The following CNTLN variants were observed in gnomAD, a reference collection of about 807,000 sequenced individuals.
CNTLN encodes the protein centlein, also known as centlein, centrosomal protein.
In CNTLN, 212 loss-of-function variants were observed where a neutral mutation model predicts 180.0. The ratio of observed to expected loss-of-function variants is 1.18; its 90% CI spans 1.05 to 1.32. CNTLN has a LOEUF of 1.32. Ranked by LOEUF, CNTLN falls within the 40% of genes most tolerant of loss-of-function variation. The pLI is 0.00. For missense variants in CNTLN, 2,095 were observed against 1,610.9 expected (o/e 1.30, Z -5.14); for synonymous variants, 722 against 563.1 (o/e 1.28, Z -3.99).
chr9:17,366,839 A>G, intron 13 of CNTLN, 122 bp downstream of exon 13: 1 of 578,476 alleles, frequency 1.7e-6, no homozygotes. Context: ...CACTTTATTC[A>G]TTGATAACTC....
chr9:17,254,861 T>G (rs1826376569), intron 5 of CNTLN, among the ~76,000 whole-genome samples: 1 of 151,776 alleles, frequency 6.6e-6, no homozygotes, highest in Non-Finnish European at 1.5e-5. Context: ...GCATTAAATC[T>G]GTAGCTCACT....
At chr9:17,152,608 A>T (rs1450667906) in intron 2 of CNTLN, among the ~76,000 whole-genome samples, 1 of 152,118 alleles carries the variant, frequency 6.6e-6, no homozygotes, top group Non-Finnish European at 1.5e-5. Context: ...AATAAATGTG[A>T]TGTGGTGCTG....
intron 25 of CNTLN, among the ~76,000 whole-genome samples, chr9:17,494,146 C>G (rs891637878): frequency 7.9e-5 from 12 of 152,274 alleles, no homozygotes; most frequent in Non-Finnish European, 1.2e-4. Context: ...GAAAATAACT[C>G]AAACTTAGTA....
chr9:17,223,283 A>G (rs1824260867), intron 2 of CNTLN, among the ~76,000 whole-genome samples: 1 of 152,062 alleles, frequency 6.6e-6, no homozygotes, highest in Non-Finnish European at 1.5e-5. Flanking sequence ...GAAGCCATGG[A>G]AAGTGAAACT....
intron 5 of CNTLN, among the ~76,000 whole-genome samples, chr9:17,239,391 A>T (rs1825352186): frequency 6.6e-6 from 1 of 152,192 alleles, no homozygotes; most frequent in Admixed American, 6.5e-5. Flanking sequence ...CAAGATATAT[A>T]CATTGAAACT....
At chr9:17,487,146 T>A in intron 25 of CNTLN, 80 bp downstream of exon 25, 1 of 912,866 alleles carries the variant, frequency 1.1e-6, no homozygotes, top group Admixed American at 2.0e-5. Context: ...TGTCTAACTT[T>A]TTGTAAACAC....
At chr9:17,324,303 A>G (rs915446790) in intron 8 of CNTLN, among the ~76,000 whole-genome samples, 1 of 152,222 alleles carries the variant, frequency 6.6e-6, no homozygotes, top group Non-Finnish European at 1.5e-5. Context: ...AACATTTTAA[A>G]TAACCAGATT....
In CNTLN at chr9:17,330,636, C is replaced by T; in HGVS notation, c.1346C>T (p.Pro449Leu). 1 of 1,568,282 alleles carries T rather than the reference C, an allele frequency of 6.4e-7. No individual in the cohort carries two copies. Among genetic ancestry groups the T allele is most frequent in the Non-Finnish European group, 8.7e-7 (1 of 1,156,024 alleles). Residue 449 changes from proline to leucine, a missense_variant, in exon 9 of 26, where the codon CCT (proline) becomes CTT (leucine). By Grantham distance (98) the Pro-to-Leu change is moderately conservative. Transcript: ENST00000380647. The stretch of plus-strand genomic sequence containing the variant: ...CAATTATACTTTTTAAAATAGGTAC[C>T]TCATCGCCCATCCTTATCAAGCTTA... ...ESDPDYSAQV[P>L]HRPSLSSLET...
rs539294026 is a variant in CNTLN at position 17,332,723 on chromosome 9, A to G, written c.1637A>G (p.Gln546Arg). The change falls in exon 10 of 26, where the codon CAA becomes CGA. Residue 546 changes from glutamine to arginine, a missense_variant. Transcript: ENST00000380647. ...ATTGAAAACTTAGAGAAGGCACTAC[A>G]ACTAAAGGTGAACATTAAATCATTT... ...RKIENLEKAL[Q>R]LKSQENDELR... The G allele has an allele frequency of 4.6e-5, 73 of 1,588,286 alleles. No individual in the cohort carries two copies. In the South Asian group the frequency reaches 7.9e-4, roughly 17 times the overall value.
At chr9:17,334,420 TACACAC>T (rs56376464) in intron 10 of CNTLN, among the ~76,000 whole-genome samples, 81,441 of 149,700 alleles carry the variant, frequency 0.54, 22,721 homozygotes, top group East Asian at 0.72. Context: ...GCCAATAGAA[TACACAC>T]ACACACACAC....
intron 12 of CNTLN, among the ~76,000 whole-genome samples, chr9:17,350,823 A>G (rs1822301260): frequency 6.6e-6 from 1 of 152,144 alleles, no homozygotes; most frequent in Non-Finnish European, 1.5e-5. Flanking sequence ...TCCGACTATC[A>G]TCACATTAGG....
rs956847856 is a variant in CNTLN, at chr9:17,394,596, G to T, written c.2142G>T (p.Gly714=). The change falls in exon 15 of 26, where the codon GGG becomes GGT. Residue 714 remains glycine (G), a synonymous_variant. Transcript: ENST00000380647. ...FEKRSRKLKE[G]NKKLMKENDF... ...AAAGGTCGAGAAAATTAAAAGAAGG[G>T]AATAAAAAATTAATGAAAGAAAATG... The T allele has an allele frequency of 2.6e-5, 41 of 1,596,444 alleles. No individual in the cohort carries two copies. The highest frequency in any genetic ancestry group is 2.2e-5 in the Non-Finnish European group (26 of 1,175,502).
intron 12 of CNTLN, among the ~76,000 whole-genome samples, chr9:17,366,284 A>T (rs1489945007): frequency 7.1e-6 from 1 of 140,536 alleles, no homozygotes; most frequent in Non-Finnish European, 1.5e-5. Context: ...CGTAACCATG[A>T]TGGGCTAGTT....
intron 18 of CNTLN, among the ~76,000 whole-genome samples, chr9:17,443,696 A>G (rs949829142): frequency 6.7e-6 from 1 of 149,084 alleles, no homozygotes; most frequent in African/African-American, 2.6e-5. Context: ...CCTATGGTAT[A>G]TTGAAATATT....
chr9:17,320,028 A>G (rs566634097), intron 8 of CNTLN, among the ~76,000 whole-genome samples: 4 of 152,318 alleles, frequency 2.6e-5, no homozygotes, highest in South Asian at 2.1e-4. Context: ...ATGCAGAAAT[A>G]ATGTTTTTTG....
At chr9:17,328,494 T>A (rs374398842) in intron 8 of CNTLN, among the ~76,000 whole-genome samples, 11 of 152,266 alleles carry the variant, frequency 7.2e-5, no homozygotes, top group African/African-American at 1.7e-4. Context: ...CACTCAGCAG[T>A]GGGGCTGAGT....
chr9:17,174,995 A>G (rs1452538477), intron 2 of CNTLN, among the ~76,000 whole-genome samples: 1 of 152,188 alleles, frequency 6.6e-6, no homozygotes, highest in Non-Finnish European at 1.5e-5. Context: ...TGGATTTCAA[A>G]AAATTACTGT....
intron 13 of CNTLN, among the ~76,000 whole-genome samples, chr9:17,373,268 A>G (rs1038470511): frequency 5.9e-5 from 9 of 152,182 alleles, no homozygotes; most frequent in African/African-American, 1.9e-4. Context: ...GGATAAACAA[A>G]TTCAGTAAAG....
chr9:17,309,157 G>A lies in CNTLN; in HGVS notation c.1246G>A (p.Glu416Lys), dbSNP rs776074646. 1 of 1,610,578 alleles carries A rather than the reference G, an allele frequency of 6.2e-7. No individual in the cohort carries two copies. The highest frequency in any genetic ancestry group is 1.1e-5 in the South Asian group (1 of 90,522). The change falls in exon 8 of 26, where the codon GAG (glutamate) becomes AAG (lysine). Residue 416 changes from glutamate to lysine, a missense_variant. Transcript: ENST00000380647. Reference protein sequence around the residue: ...TNLQDQLLQKEQENAKLKEKL... With the variant: ...TNLQDQLLQKKQENAKLKEKL... ...TCTTCAGGATCAGCTATTACAAAAAGAGCAAGAAAATGCTAAGTTAAAAGA... is the reference window on the plus strand; with the variant it reads ...TCTTCAGGATCAGCTATTACAAAAAAAGCAAGAAAATGCTAAGTTAAAAGA...
Sources: gnomAD v4.1 joint callset for allele counts (sites outside exome capture counted in the v4.1 genomes callset) on GRCh38, gnomAD v4.1.1 for gene constraint, MANE v1.5 for transcripts, NCBI Gene and HGNC (gene_info 2026-07-23, HGNC 2026-07-21) for gene names.